Variants in COL6A6 observed in about 807,000 individuals in gnomAD.
COL6A6 encodes collagen type VI alpha 6 chain, also known as collagen alpha-6(VI) chain.
In COL6A6, 183 loss-of-function variants were observed where a neutral mutation model predicts 208.6. The observed-to-expected ratio is 0.88, with a 90% CI of 0.78 to 0.99. The LOEUF (loss-of-function observed/expected upper bound fraction) is 0.99. COL6A6 is among the 50% of genes least tolerant of loss of function. The pLI, the probability that COL6A6 is intolerant of heterozygous loss-of-function variation, is 0.00. For missense variants in COL6A6, 2,816 were observed against 2,815.2 expected, an observed-to-expected ratio of 1.00 and a Z score of -0.01; for synonymous variants, 973 against 1,011.8, an observed-to-expected ratio of 0.96 and a Z score of 0.73.
At chr3:130,600,061 A>C (rs2063968005) in intron 20 of COL6A6, among the ~76,000 whole-genome samples, 2 of 152,114 alleles carry the variant, frequency 1.3e-5, no homozygotes, top group African/African-American at 4.8e-5. Flanking sequence ...AACCAAAAAA[A>C]CCTCCAACTA....
chr3:130,657,025 C>T (rs1202525446), intron 33 of COL6A6, among the ~76,000 whole-genome samples: 1 of 152,264 alleles, frequency 6.6e-6, no homozygotes, highest in Non-Finnish European at 1.5e-5. Context: ...CCCACAGCCG[C>T]AGCCAGACGG....
chr3:130,641,573 T>G (rs1231508742), intron 28 of COL6A6, 79 bp from the exon 29 acceptor site: 4 of 662,578 alleles, frequency 6.0e-6, no homozygotes, highest in Non-Finnish European at 9.4e-6. Context: ...CCTTTGAATT[T>G]TAATTTTTTA....
At chr3:130,599,053 A>G (rs1289071326) in intron 19 of COL6A6, among the ~76,000 whole-genome samples, 1 of 151,998 alleles carries the variant, frequency 6.6e-6, no homozygotes, top group Non-Finnish European at 1.5e-5. Context: ...GTCCTATCTC[A>G]TGCTCCGTTG....
chr3:130,644,457 C>T (rs1467158842), intron 31 of COL6A6, among the ~76,000 whole-genome samples: 2 of 152,168 alleles, frequency 1.3e-5, no homozygotes, highest in African/African-American at 2.4e-5. Context: ...CCATGTTGAA[C>T]AGTACAGGTC....
chr3:130,662,340 TTAAGAA>T (rs751080711), intron 35 of COL6A6, 32 bp downstream of exon 35: 46 of 1,578,454 alleles, frequency 2.9e-5, no homozygotes, highest in Non-Finnish European at 3.9e-5. Context: ...TCTCTGCACT[TTAAGAA>T]TATACTTGGT....
rs1257433906 is a variant in COL6A6 at position 130,565,507 on chromosome 3, C to A, written c.1175C>A (p.Thr392Asn). The A allele has an allele frequency of 2.5e-6, 4 of 1,613,894 alleles. No homozygotes were observed. Among genetic ancestry groups the A allele is most frequent in the Admixed American group, 3.3e-5 (2 of 60,016 alleles). Reference protein sequence around the residue: ...PAEQYVSKLKTFADLAAHNQT... With the variant: ...PAEQYVSKLKNFADLAAHNQT... ...GAGCAGTATGTCTCCAAACTGAAGA[C>A]CTTCGCTGACCTGGCTGCTCACAAC... The change falls in exon 4 of 37, where the codon ACC (threonine) becomes AAC (asparagine). Residue 392 changes from threonine to asparagine, a missense_variant. Physicochemically the swap from Thr to Asn is moderately conservative, Grantham distance 65. Transcript: ENST00000358511.
chr3:130,543,500 C>A (rs1350928150), intron 1 of COL6A6, among the ~76,000 whole-genome samples: 1 of 152,142 alleles, frequency 6.6e-6, no homozygotes. Flanking sequence ...CTTAGCATAA[C>A]AGTTACACTT....
chr3:130,642,787 T>A, intron 29 of COL6A6, 45 bp from the exon 30 acceptor site: 1 of 1,570,702 alleles, frequency 6.4e-7, no homozygotes, highest in Non-Finnish European at 8.7e-7. Flanking sequence ...GCTACTGATG[T>A]GTATGTCTAG....
intron 24 of COL6A6, among the ~76,000 whole-genome samples, chr3:130,622,210 C>A (rs2064744654): frequency 7.0e-6 from 1 of 142,484 alleles, no homozygotes; most frequent in South Asian, 2.3e-4. Context: ...CCTACCCCCC[C>A]CTTTTTTTTT....
chr3:130,637,909 G>C (rs985783087), intron 28 of COL6A6, among the ~76,000 whole-genome samples: 2 of 151,934 alleles, frequency 1.3e-5, no homozygotes, highest in African/African-American at 4.8e-5. Context: ...GCTGGATAAG[G>C]CTTTGTTGAG....
At position 130,601,361 on chromosome 3, in the gene COL6A6, T is replaced by A. The variant is rs75446364; in HGVS notation, c.4653+1551T>A. Among the ~76,000 whole-genome samples the A allele has an allele frequency of 9.1e-3, 1,391 of 152,342 alleles. 30 individuals are homozygous for A. Among genetic ancestry groups the A allele is most frequent in the African/African-American group, 0.032 (1,316 of 41,580 alleles). On this transcript the variant is annotated intron_variant, in intron 20 of 36. Transcript: ENST00000358511. ...TTTTTATCTTGGAGCATACCCGTGT[T>A]CTTTGCAAGGCAGAGAAAATGAAAA...
intron 1 of COL6A6, among the ~76,000 whole-genome samples, chr3:130,531,546 C>G (rs1436895690): frequency 6.6e-6 from 1 of 152,212 alleles, no homozygotes; most frequent in Non-Finnish European, 1.5e-5. Context: ...ACACTGTCCA[C>G]AAAGTCTGGC....
At chr3:130,642,102 CA>C (rs377324730) in intron 29 of COL6A6, among the ~76,000 whole-genome samples, 48 of 152,142 alleles carry the variant, frequency 3.2e-4, no homozygotes, top group Admixed American at 7.2e-4. Flanking sequence ...TTCAGGAGGT[CA>C]GGGGGGGCTC....
At chr3:130,590,482 C>T (rs181864305) in intron 12 of COL6A6, among the ~76,000 whole-genome samples, 4,793 of 113,132 alleles carry the variant, frequency 0.042, 420 homozygotes, top group African/African-American at 0.15. Context: ...CACGACAGGC[C>T]CCTGTGTGTG....
chr3:130,560,339 A>G lies in COL6A6; in HGVS notation c.-26A>G, dbSNP rs899943216. 1.9e-6 allele frequency: 3 copies of G among 1,590,336 alleles called. No homozygotes were observed. The highest frequency in any genetic ancestry group is 1.2e-5 in the South Asian group (1 of 86,566). On this transcript the variant is annotated 5_prime_UTR_variant, in exon 2 of 37. Transcript: ENST00000358511. ...TTATATTTTTGCCTTTTCAGATTTG[A>G]AGTTGAAGATTTTTCAGGTCATAAT...
chr3:130,590,340 C>T (rs2063673325), intron 12 of COL6A6, among the ~76,000 whole-genome samples: 2 of 81,236 alleles, frequency 2.5e-5, no homozygotes, highest in African/African-American at 4.6e-5. Context: ...ACTATAAGTT[C>T]TAGGGTACTT....
intron 10 of COL6A6, among the ~76,000 whole-genome samples, chr3:130,582,284 T>C (rs901530369): frequency 1.3e-5 from 2 of 152,230 alleles, no homozygotes; most frequent in Admixed American, 1.3e-4. Context: ...CAGCACTGAA[T>C]ACAAAGTCCT....
chr3:130,519,368 T>A (rs770580413), intron 1 of COL6A6, among the ~76,000 whole-genome samples: 6 of 152,206 alleles, frequency 3.9e-5, no homozygotes, highest in Non-Finnish European at 8.8e-5. Flanking sequence ...CTAGACCCCC[T>A]GCAAATATAT....
intron 1 of COL6A6, among the ~76,000 whole-genome samples, chr3:130,545,712 C>T (rs2062479065): frequency 6.6e-6 from 1 of 152,210 alleles, no homozygotes. Context: ...CAGCCTCGGC[C>T]TCCCAAAGTG....
Sources: allele counts gnomAD v4.1 joint callset (sites outside exome capture counted in the v4.1 genomes callset), GRCh38; gene constraint gnomAD v4.1.1; transcripts MANE v1.5; gene names NCBI Gene and HGNC (gene_info 2026-07-23, HGNC 2026-07-21).